TP63: variants seen among roughly 807,000 people sequenced by gnomAD.
TP63 encodes the protein tumor protein p63, also known as tumor protein 63.
Under a neutral mutation model 82.8 loss-of-function variants are expected in TP63, and 17 were observed. That is an observed-to-expected ratio of 0.21 (90% CI 0.14 to 0.31). The LOEUF (loss-of-function observed/expected upper bound fraction) is 0.31. TP63 is among the 10% of genes least tolerant of loss of function. The probability of loss-of-function intolerance (pLI) is 1.00; values close to 1 mark genes in which losing one functional copy is unlikely to be tolerated. For synonymous variants in TP63, 330 were observed against 321.7 expected (o/e 1.03, Z -0.28); for missense variants, 648 against 895.3 (o/e 0.72, Z 3.52).
chr3:189,631,147 C>T (rs57935694), upstream of TP63: 1,584 of 812,444 alleles, frequency 1.9e-3, 21 homozygotes, highest in African/African-American at 0.027. Context: ...CATCCAATCA[C>T]GACAGAGATC....
intron 3 of TP63, among the ~76,000 whole-genome samples, chr3:189,765,067 G>A (rs1722836135): frequency 6.6e-6 from 1 of 152,078 alleles, no homozygotes; most frequent in African/African-American, 2.4e-5. Flanking sequence ...TGGCTGCCCT[G>A]GATGAAAGGA....
At chr3:189,842,239 A>C (rs757568965) in intron 4 of TP63, among the ~76,000 whole-genome samples, 8 of 151,862 alleles carry the variant, frequency 5.3e-5, no homozygotes, top group East Asian at 1.9e-4. Context: ...AGAGAGAGAG[A>C]GCGCGTGTAT....
At chr3:189,639,890 A>T (rs1293510308) in intron 1 of TP63, among the ~76,000 whole-genome samples, 1 of 152,178 alleles carries the variant, frequency 6.6e-6, no homozygotes, top group East Asian at 1.9e-4. Context: ...CAAGTATATT[A>T]TGCCTTAAGA....
chr3:189,678,681 G>A (rs912512322), intron 1 of TP63, among the ~76,000 whole-genome samples: 10 of 151,950 alleles, frequency 6.6e-5, no homozygotes, highest in African/African-American at 2.2e-4. Context: ...GGGCCGTATG[G>A]TCATATCAAT....
chr3:189,645,096 A>G (rs1468153871), intron 1 of TP63, among the ~76,000 whole-genome samples: 2 of 152,102 alleles, frequency 1.3e-5, no homozygotes, highest in Non-Finnish European at 1.5e-5. Context: ...ATATAAACCT[A>G]TTCATATTTA....
At chr3:189,786,277 T>C (rs1724593295) in intron 3 of TP63, among the ~76,000 whole-genome samples, 1 of 151,988 alleles carries the variant, frequency 6.6e-6, no homozygotes. Flanking sequence ...TATTGTAATA[T>C]GGTTGCAAAA....
At chr3:189,681,280 A>G (rs111534976) in intron 1 of TP63, among the ~76,000 whole-genome samples, 7,283 of 152,106 alleles carry the variant, frequency 0.048, 252 homozygotes, top group Non-Finnish European at 0.073. Flanking sequence ...TCATAAGTGA[A>G]TAGTCACCCA....
At chr3:189,882,541 A>C (rs544743777) in intron 10 of TP63, among the ~76,000 whole-genome samples, 11 of 151,674 alleles carry the variant, frequency 7.3e-5, no homozygotes, top group African/African-American at 2.2e-4. Context: ...TCTGCTCCCA[A>C]ATTCTTTACT....
intron 4 of TP63, among the ~76,000 whole-genome samples, chr3:189,828,602 T>A (rs1332323624): frequency 6.6e-6 from 1 of 152,200 alleles, no homozygotes; most frequent in Admixed American, 6.5e-5. Context: ...CAAAAGAACA[T>A]TTTATATTCT....
At chr3:189,868,971 A>G (rs569869207) in intron 8 of TP63, among the ~76,000 whole-genome samples, 1 of 152,326 alleles carries the variant, frequency 6.6e-6, no homozygotes, top group African/African-American at 2.4e-5. Flanking sequence ...CCACACCAGT[A>G]GCATAAACAT....
At chr3:189,816,999 T>C (rs1247019125) in intron 4 of TP63, among the ~76,000 whole-genome samples, 1 of 100,660 alleles carries the variant, frequency 9.9e-6, no homozygotes, top group East Asian at 3.2e-4. Context: ...TGAAGATTCA[T>C]GTGGGGGAAA....
Position 189,808,330 on chromosome 3 carries a change from C to T in TP63, c.383C>T (p.Ser128Phe), listed in dbSNP as rs2108637329. 1 of 1,614,202 alleles carries T rather than the reference C, an allele frequency of 6.2e-7. No homozygotes were observed. Among genetic ancestry groups the T allele is most frequent in the Non-Finnish European group, 8.5e-7 (1 of 1,180,040 alleles). The change falls in exon 4 of 14, where the codon TCC becomes TTC. Residue 128 changes from serine (S) to phenylalanine (F), a missense_variant. Physicochemically the swap from Ser to Phe is radical, Grantham distance 155. Around this residue, in one of 5 missense-constraint regions of TP63, gnomAD observed 182 missense variants for 213.6 expected, o/e 0.85. Coordinates refer to ENST00000264731, the MANE Select transcript of TP63 (RefSeq NM_003722.5). ...ATGGACCAGCAGATTCAGAACGGCT[C>T]CTCGTCCACCAGTCCCTATAACACA... ...NSMDQQIQNGSSSTSPYNTDH... is the reference protein window; with the variant it reads ...NSMDQQIQNGFSSTSPYNTDH...
chr3:189,789,696 A>G, intron 3 of TP63: 1 of 1,442,746 alleles, frequency 6.9e-7, no homozygotes, highest in Non-Finnish European at 9.1e-7. Flanking sequence ...GAGTTCTGTT[A>G]TCTTCTTAAG....
intron 4 of TP63, among the ~76,000 whole-genome samples, chr3:189,835,730 T>C (rs974164413): frequency 6.6e-6 from 1 of 151,846 alleles, no homozygotes; most frequent in African/African-American, 2.4e-5. Context: ...CTGGCCAACA[T>C]AGTGAAACCC....
At chr3:189,784,249 A>G (rs1313024078) in intron 3 of TP63, among the ~76,000 whole-genome samples, 1 of 152,108 alleles carries the variant, frequency 6.6e-6, no homozygotes, top group East Asian at 1.9e-4. Flanking sequence ...GGCACTATCT[A>G]AATCCAGGTA....
intron 3 of TP63, among the ~76,000 whole-genome samples, chr3:189,780,768 C>G (rs1009571946): frequency 6.6e-6 from 1 of 152,154 alleles, no homozygotes; most frequent in Non-Finnish European, 1.5e-5. Context: ...CATGCTGCTT[C>G]CCCAGTTTTA....
rs1401650306 is a variant in TP63 at position 189,881,209 on chromosome 3, G to C, written c.1350-5185G>C. The C allele has an allele frequency of 4.1e-6, 4 of 985,242 alleles. No individual in the cohort carries two copies. The East Asian group carries it at 4.5e-4, about 112-fold the overall frequency. The allele number at this position is 985,242 out of a possible 1,614,324, so 61.0% of individuals were successfully genotyped here. ...GTTTTGAGTAAGTGAGATCCAAGCA[G>C]ACGTGTTAAAATCAGCACTCCTGGA... On this transcript the variant is annotated intron_variant, in intron 10 of 13. Coordinates refer to ENST00000264731, the MANE Select transcript of TP63 (RefSeq NM_003722.5).
intron 1 of TP63, among the ~76,000 whole-genome samples, chr3:189,691,338 C>CAAAAAAAAAAAAA (rs781098833): frequency 7.2e-4 from 48 of 67,036 alleles, no homozygotes; most frequent in East Asian, 9.6e-4. Flanking sequence ...GACTCCATCT[C>CAAAAAAAAAAAAA]AAAAAAAAAA....
chr3:189,619,829 A>G, the TP63 span, among the ~76,000 whole-genome samples: 1 of 152,170 alleles, frequency 6.6e-6, no homozygotes, highest in Non-Finnish European at 1.5e-5. Context: ...CTTCTCCTTC[A>G]GCCCCAAACT....
Sources: gnomAD v4.1 joint callset for allele counts (sites outside exome capture counted in the v4.1 genomes callset) on GRCh38, gnomAD v4.1.1 for gene constraint, gnomAD v4.1.1 regional missense constraint, MANE v1.5 for transcripts, NCBI Gene and HGNC (gene_info 2026-07-23, HGNC 2026-07-21) for gene names.